The following GSE1 variants were observed in gnomAD, a reference collection of about 807,000 sequenced individuals.
GSE1 encodes genetic suppressor element 1.
A neutral mutation model predicts 112.6 loss-of-function variants in GSE1; 32 were observed. The ratio of observed to expected loss-of-function variants is 0.28; its 90% CI spans 0.21 to 0.38. The LOEUF is 0.38. Ranked by LOEUF, GSE1 falls within the 10% of genes least tolerant of loss-of-function variation. The probability of loss-of-function intolerance (pLI) is 1.00; values close to 1 mark genes in which losing one functional copy is unlikely to be tolerated. For missense variants in GSE1, 2,348 were observed against 1,699.2 expected (o/e 1.38, Z -6.71); for synonymous variants, 1,115 against 735.6 (o/e 1.52, Z -8.35).
At chr16:85,349,559 C>G (rs886547377) in intron 1 of GSE1, among the ~76,000 whole-genome samples, 1 of 152,016 alleles carries the variant, frequency 6.6e-6, no homozygotes, top group African/African-American at 2.4e-5. Context: ...CTGGCCAGCC[C>G]GGGAGGTGCT....
At chr16:85,353,490 C>T (rs1299394331) in intron 1 of GSE1, among the ~76,000 whole-genome samples, 4 of 91,104 alleles carry the variant, frequency 4.4e-5, no homozygotes, top group Admixed American at 1.0e-4. Flanking sequence ...TTTCACATTT[C>T]GGGGATTAGT....
intron 2 of GSE1, among the ~76,000 whole-genome samples, chr16:85,531,433 T>C (rs766446114): frequency 3.9e-4 from 59 of 151,496 alleles, no homozygotes; most frequent in Non-Finnish European, 6.5e-4. Context: ...TAGATTCTCA[T>C]AGGGCATGTC....
chr16:85,169,617 C>A, exon 1 of GSE1: 1 of 982,762 alleles, frequency 1.0e-6, no homozygotes, highest in South Asian at 4.7e-5. Flanking sequence ...TCTCCTGCTT[C>A]ATCTGCGGCG....
chr16:85,360,664 G>T (rs2047048974), intron 2 of GSE1, among the ~76,000 whole-genome samples: 1 of 152,182 alleles, frequency 6.6e-6, no homozygotes, highest in Non-Finnish European at 1.5e-5. Flanking sequence ...GTCCAGACAT[G>T]CAGACGCACG....
At chr16:85,632,141 G>C (rs764332445) in intron 1 of GSE1, among the ~76,000 whole-genome samples, 1 of 152,174 alleles carries the variant, frequency 6.6e-6, no homozygotes, top group Admixed American at 6.5e-5. Context: ...TGGGGGTGCA[G>C]GTCCCCCTCC....
intron 1 of GSE1, among the ~76,000 whole-genome samples, chr16:85,598,062 C>A (rs1220771425): frequency 6.6e-6 from 1 of 151,918 alleles, no homozygotes; most frequent in African/African-American, 2.4e-5. Context: ...TCCTCGGAAC[C>A]TGACCCTGGA....
intron 1 of GSE1, among the ~76,000 whole-genome samples, chr16:85,262,135 C>T (rs950384040): frequency 6.6e-5 from 10 of 152,218 alleles, no homozygotes; most frequent in African/African-American, 1.9e-4. Flanking sequence ...ATGCCCCAAA[C>T]AAGAAGCCTG....
upstream of GSE1, chr16:85,611,639 C>T (rs919504674): frequency 3.9e-5 from 11 of 280,428 alleles, no homozygotes; most frequent in African/African-American, 2.5e-4. Context: ...CGTGCGCCCC[C>T]ACCTCCGGGC....
At chr16:85,263,915 G>A (rs530260903) in intron 1 of GSE1, among the ~76,000 whole-genome samples, 12 of 152,176 alleles carry the variant, frequency 7.9e-5, no homozygotes, top group East Asian at 1.9e-4. Context: ...CTCCTCTGCC[G>A]TCCTGGCCTC....
intron 1 of GSE1, among the ~76,000 whole-genome samples, chr16:85,308,531 G>T (rs556640287): frequency 6.6e-6 from 1 of 152,098 alleles, no homozygotes; most frequent in South Asian, 2.1e-4. Flanking sequence ...CGGGGACTTC[G>T]AAAGGAGCTC....
intron 8 of GSE1, among the ~76,000 whole-genome samples, chr16:85,660,309 C>G (rs2151952775): frequency 6.6e-6 from 1 of 152,328 alleles, no homozygotes; most frequent in African/African-American, 2.4e-5. Context: ...GGGAGCCTCC[C>G]TATCCTCTTG....
At chr16:85,572,670 C>T (rs909059275) in intron 1 of GSE1, among the ~76,000 whole-genome samples, 3 of 152,204 alleles carry the variant, frequency 2.0e-5, no homozygotes, top group African/African-American at 7.2e-5. Flanking sequence ...GCAGGGGCTG[C>T]TCCGGAACCC....
At chr16:85,432,065 C>G (rs1417735858) in intron 2 of GSE1, among the ~76,000 whole-genome samples, 2 of 152,206 alleles carry the variant, frequency 1.3e-5, no homozygotes, top group Non-Finnish European at 2.9e-5. Context: ...CCCGAACTCA[C>G]CCCTCACCCC....
Position 85,654,380 on chromosome 16 carries a change from C to T in GSE1, c.529C>T (p.Leu177Phe), listed in dbSNP as rs371288703. ...GGGACCAGCCATCCCCTCGCACCTG[C>T]TCAGCACCCCCTACCCCTTCGGCCT... ...AGGPAIPSHL[L>F]STPYPFGLSP... The change falls in exon 4 of 16, where the codon CTC (leucine) becomes TTC (phenylalanine). Residue 177 changes from leucine to phenylalanine, a missense_variant. By Grantham distance (22) the Leu-to-Phe change is conservative. Transcript: ENST00000253458. 6 of 1,611,672 alleles carry T rather than the reference C, an allele frequency of 3.7e-6. No individual in the cohort carries two copies. The highest frequency in any genetic ancestry group is 5.1e-6 in the Non-Finnish European group (6 of 1,179,260).
At chr16:85,277,609 C>G (rs1213940267) in intron 1 of GSE1, among the ~76,000 whole-genome samples, 1 of 152,172 alleles carries the variant, frequency 6.6e-6, no homozygotes, top group Non-Finnish European at 1.5e-5. Flanking sequence ...GTGCCTCATC[C>G]AGCCCAACTT....
At position 85,663,768 on chromosome 16, in the gene GSE1, C is replaced by G. The variant is rs532400104; in HGVS notation, c.2644+154C>G. ...CTCCCGGCTCCCGGGAACAGCCTCT[C>G]TGTTCTTACAAGCCCTCCATAGCAG... On this transcript the variant is annotated intron_variant, in intron 11 of 15. Transcript: ENST00000253458. Among the ~76,000 whole-genome samples the G allele has an allele frequency of 4.6e-5, 7 of 152,364 alleles. No homozygotes were observed. In the East Asian group the frequency reaches 1.4e-3, roughly 29 times the overall value.
Position 85,654,442 on chromosome 16 carries a change from G to T in GSE1, c.591G>T (p.Pro197=), listed in dbSNP as rs546292849. ...PSSVVQDSRF[P]PLNLQRPVHH... ...CAGTTGTGCAGGATTCCCGCTTCCC[G>T]CCACTCAAGTAAGTTGGTCGGCGGG... The change falls in exon 4 of 16, where the codon CCG becomes CCT. Residue 197 remains proline (P), a synonymous_variant. Transcript: ENST00000253458. 2.6e-6 allele frequency: 4 copies of T among 1,566,178 alleles called. No individual in the cohort carries two copies. The South Asian group carries it at 4.7e-5, about 19-fold the overall frequency.
intron 1 of GSE1, among the ~76,000 whole-genome samples, chr16:85,564,789 T>A (rs2045667608): frequency 6.6e-6 from 1 of 152,168 alleles, no homozygotes; most frequent in African/African-American, 2.4e-5. Flanking sequence ...GGGGTAGCTG[T>A]GCCTGTCAAA....
At chr16:85,438,846 A>G (rs554012355) in intron 2 of GSE1, among the ~76,000 whole-genome samples, 4 of 152,178 alleles carry the variant, frequency 2.6e-5, no homozygotes, top group Admixed American at 6.5e-5. Flanking sequence ...GTCTGTGGGC[A>G]CTGTCTGTGC....
Sources: allele counts gnomAD v4.1 joint callset (sites outside exome capture counted in the v4.1 genomes callset), GRCh38; gene constraint gnomAD v4.1.1; transcripts MANE v1.5; gene names NCBI Gene and HGNC (gene_info 2026-07-23, HGNC 2026-07-21).